Variants in KCNN2 observed in about 807,000 individuals in gnomAD.
KCNN2 encodes the protein small conductance calcium-activated potassium channel protein 2.
In KCNN2, 24 loss-of-function variants were observed where a neutral mutation model predicts 55.5. The observed-to-expected ratio is 0.43, with a 90% confidence interval of 0.31 to 0.61. The LOEUF (loss-of-function observed/expected upper bound fraction) is 0.61. Ranked by LOEUF, KCNN2 falls within the 20% of genes least tolerant of loss-of-function variation. KCNN2 has a pLI of 0.08. For missense variants in KCNN2, 754 were observed against 853.6 expected (o/e 0.88, Z 1.45); for synonymous variants, 431 against 336.1 (o/e 1.28, Z -3.09).
intron 1 of KCNN2, among the ~76,000 whole-genome samples, chr5:114,061,074 G>C (rs1480288647): frequency 6.6e-6 from 1 of 152,224 alleles, no homozygotes; most frequent in Admixed American, 6.5e-5. Context: ...CTGAATAATA[G>C]TGAGGATTCA....
intron 1 of KCNN2, among the ~76,000 whole-genome samples, chr5:114,179,179 G>A (rs1228410301): frequency 2.0e-5 from 3 of 152,174 alleles, no homozygotes; most frequent in African/African-American, 7.2e-5. Flanking sequence ...TAACTAAATG[G>A]TTCCAGCTCA....
chr5:114,305,894 A>G (rs1756260081), intron 2 of KCNN2, among the ~76,000 whole-genome samples: 1 of 152,230 alleles, frequency 6.6e-6, no homozygotes, highest in Non-Finnish European at 1.5e-5. Flanking sequence ...GGGCAGATAA[A>G]GCAATATACT....
chr5:114,252,678 C>A (rs900310748), intron 2 of KCNN2, among the ~76,000 whole-genome samples: 7 of 152,070 alleles, frequency 4.6e-5, no homozygotes, highest in Non-Finnish European at 8.8e-5. Context: ...CCCCACCCCC[C>A]AACCTCTGCC....
intron 2 of KCNN2, among the ~76,000 whole-genome samples, chr5:114,235,522 A>G (rs1455704015): frequency 6.6e-6 from 1 of 152,232 alleles, no homozygotes; most frequent in Non-Finnish European, 1.5e-5. Flanking sequence ...TAGTTTATAC[A>G]TTGGAAACCT....
chr5:114,088,913 G>T (rs1045793432), intron 1 of KCNN2, among the ~76,000 whole-genome samples: 2 of 152,120 alleles, frequency 1.3e-5, no homozygotes, highest in African/African-American at 4.8e-5. Flanking sequence ...GAGCCACTGC[G>T]CCCAGCCACA....
chr5:114,192,383 C>G (rs572353815), intron 1 of KCNN2, among the ~76,000 whole-genome samples: 64 of 152,208 alleles, frequency 4.2e-4, no homozygotes, highest in African/African-American at 1.5e-3. Context: ...ACCTTATTTC[C>G]AAGTACTTAG....
At chr5:114,067,168 A>G (rs1231490266) in intron 1 of KCNN2, among the ~76,000 whole-genome samples, 1 of 152,200 alleles carries the variant, frequency 6.6e-6, no homozygotes, top group Non-Finnish European at 1.5e-5. Context: ...TGCCACAGGG[A>G]CCAGATAATT....
chr5:114,177,035 A>T (rs997685491), intron 1 of KCNN2, among the ~76,000 whole-genome samples: 2 of 151,744 alleles, frequency 1.3e-5, no homozygotes, highest in Non-Finnish European at 2.9e-5. Context: ...GTCTACAATC[A>T]CTTCATTCAT....
chr5:114,458,958 G>A (rs1761062869), intron 3 of KCNN2, among the ~76,000 whole-genome samples: 1 of 152,218 alleles, frequency 6.6e-6, no homozygotes, highest in African/African-American at 2.4e-5. Context: ...GAGGGAGGCA[G>A]GAGCGCAGGC....
At chr5:114,487,202 C>T (rs765939614) in intron 6 of KCNN2, 25 bp downstream of exon 6, 1 of 1,607,870 alleles carries the variant, frequency 6.2e-7, no homozygotes, top group East Asian at 2.2e-5. Flanking sequence ...TCATTTTTAT[C>T]CTGTTGTTGT....
At chr5:114,142,191 C>G (rs1379823016) in intron 1 of KCNN2, among the ~76,000 whole-genome samples, 1 of 152,196 alleles carries the variant, frequency 6.6e-6, no homozygotes. Context: ...GTGTTTTAGA[C>G]ATGAAGTCCT....
At chr5:114,291,982 A>G (rs1755899551) in intron 2 of KCNN2, among the ~76,000 whole-genome samples, 1 of 152,156 alleles carries the variant, frequency 6.6e-6, no homozygotes, top group Non-Finnish European at 1.5e-5. Context: ...GGCTGCATAA[A>G]TGTCTTCTTT....
chr5:114,112,322 C>A (rs2112584595), intron 1 of KCNN2, among the ~76,000 whole-genome samples: 1 of 151,808 alleles, frequency 6.6e-6, no homozygotes, highest in Non-Finnish European at 1.5e-5. Flanking sequence ...AGACTGGGGC[C>A]TGTTTGGAGG....
chr5:114,270,696 C>G (rs1390832637), intron 2 of KCNN2, among the ~76,000 whole-genome samples: 1 of 152,162 alleles, frequency 6.6e-6, no homozygotes, highest in Non-Finnish European at 1.5e-5. Flanking sequence ...CCTGAGAAAT[C>G]TGTCACTCAG....
At chr5:114,222,594 T>G (rs1425739815) in intron 2 of KCNN2, among the ~76,000 whole-genome samples, 2 of 152,228 alleles carry the variant, frequency 1.3e-5, no homozygotes, top group Non-Finnish European at 2.9e-5. Context: ...CTGTACTATA[T>G]TATCGGATGG....
chr5:114,172,490 C>T (rs1254571444), intron 1 of KCNN2, among the ~76,000 whole-genome samples: 3 of 151,398 alleles, frequency 2.0e-5, no homozygotes, highest in Non-Finnish European at 3.0e-5. Flanking sequence ...AGAGAATTAC[C>T]TTGTCTTTCT....
chr5:114,473,526 A>AACTTCTAAGATCAAGTCACTGTTCTC lies in KCNN2; in HGVS notation c.1890+364_1890+389dup, dbSNP rs1263218732. Among the ~76,000 whole-genome samples, 9 of 152,310 alleles carry AACTTCTAAGATCAAGTCACTGTTCTC rather than the reference A, an allele frequency of 5.9e-5. No individual in the cohort carries two copies. The South Asian group carries it at 6.2e-4, about 11-fold the overall frequency. ...AAACGTGATTGAAAATGTTTTACTG[A>AACTTCTAAGATCAAGTCACTGTTCTC]ACTTCTAAGATCAAGTCACTGTTCT... is the stretch of plus-strand genomic sequence containing the variant. On this transcript the variant is annotated intron_variant, in intron 5 of 7. Coordinates refer to ENST00000673685, the MANE Select transcript of KCNN2 (RefSeq NM_021614.4).
At chr5:114,371,446 G>T (rs779896315) in intron 2 of KCNN2, among the ~76,000 whole-genome samples, 119 of 152,110 alleles carry the variant, frequency 7.8e-4, no homozygotes, top group Non-Finnish European at 1.0e-3. Flanking sequence ...TGTCCCTGAG[G>T]TGAAGGAGTC....
chr5:114,082,324 T>TAAAAAAAAAA, intron 1 of KCNN2, among the ~76,000 whole-genome samples: 1 of 136,962 alleles, frequency 7.3e-6, no homozygotes, highest in Non-Finnish European at 1.6e-5. Flanking sequence ...ACCGTATCTT[T>TAAAAAAAAAA]AAAAAAAAAA....
Sources: allele counts gnomAD v4.1 joint callset (sites outside exome capture counted in the v4.1 genomes callset), GRCh38; gene constraint gnomAD v4.1.1; transcripts MANE v1.5; gene names NCBI Gene and HGNC (gene_info 2026-07-23, HGNC 2026-07-21).